ANKS1B: variants seen among roughly 807,000 people sequenced by gnomAD.
ANKS1B encodes ankyrin repeat and sterile alpha motif domain-containing protein 1B.
In ANKS1B, 36 loss-of-function variants were observed where a neutral mutation model predicts 148.3. That is an observed-to-expected ratio of 0.24 (90% CI 0.19 to 0.32). The LOEUF (loss-of-function observed/expected upper bound fraction) is 0.32, where lower values mean the gene tolerates loss of function less well. Ranked by LOEUF, ANKS1B falls within the 10% of genes least tolerant of loss-of-function variation. The pLI, the probability that ANKS1B is intolerant of heterozygous loss-of-function variation, is 1.00. For missense variants in ANKS1B, 1,157 were observed against 1,542.6 expected, an observed-to-expected ratio of 0.75 and a Z score of 4.19; for synonymous variants, 542 against 560.8, an observed-to-expected ratio of 0.97 and a Z score of 0.47.
intron 8 of ANKS1B, among the ~76,000 whole-genome samples, chr12:99,742,222 C>A (rs2060186973): frequency 6.7e-6 from 1 of 148,860 alleles, no homozygotes. Flanking sequence ...AGCTATGTAA[C>A]AAACCTGCAC....
At chr12:99,380,869 G>C (rs2093617350) in intron 12 of ANKS1B, among the ~76,000 whole-genome samples, 1 of 151,502 alleles carries the variant, frequency 6.6e-6, no homozygotes, top group African/African-American at 2.4e-5. Context: ...ATAGGTGCTA[G>C]AGATTCCAGT....
intron 17 of ANKS1B, among the ~76,000 whole-genome samples, chr12:98,842,822 T>G (rs994603960): frequency 1.3e-5 from 2 of 152,230 alleles, no homozygotes; most frequent in Non-Finnish European, 2.9e-5. Flanking sequence ...TAGTACTATT[T>G]AACTATAGGC....
At chr12:98,742,521 G>A (rs1246625255), downstream of ANKS1B, among the ~76,000 whole-genome samples, 3 of 152,350 alleles carry the variant, frequency 2.0e-5, no homozygotes, top group Admixed American at 1.3e-4. Flanking sequence ...GTGATGCCAC[G>A]CTAAGCACAG....
intron 19 of ANKS1B, among the ~76,000 whole-genome samples, chr12:98,808,240 C>G (rs1011745124): frequency 2.0e-5 from 3 of 152,176 alleles, no homozygotes; most frequent in Non-Finnish European, 4.4e-5. Context: ...CTTCACGTCA[C>G]TACTTTCAGA....
intron 1 of ANKS1B, among the ~76,000 whole-genome samples, chr12:99,887,389 T>G (rs1178205448): frequency 6.6e-6 from 1 of 152,226 alleles, no homozygotes; most frequent in Non-Finnish European, 1.5e-5. Flanking sequence ...TGGGTTGGAT[T>G]AAATAAAATC....
chr12:99,003,900 A>G (rs772063740), intron 17 of ANKS1B, among the ~76,000 whole-genome samples: 6 of 152,068 alleles, frequency 3.9e-5, no homozygotes, highest in Non-Finnish European at 8.8e-5. Flanking sequence ...CCTACATTTT[A>G]CTTTCCCACT....
At position 98,903,883 on chromosome 12, in the gene ANKS1B, C is replaced by T. The variant is rs1020365616; in HGVS notation, c.2779-71747G>A. Among the ~76,000 whole-genome samples the T allele has an allele frequency of 4.6e-5, 7 of 152,226 alleles. No individual in the cohort carries two copies. The East Asian group carries it at 1.2e-3, about 25-fold the overall frequency. Reference sequence around the variant, plus strand: ...GGGAGCTCATTACCAACTGAAGAAGCCCATCCATCTTTGAGACTTATATTA... The same window carrying T: ...GGGAGCTCATTACCAACTGAAGAAGTCCATCCATCTTTGAGACTTATATTA... On this transcript the variant is annotated intron_variant, in intron 17 of 26. Transcript: ENST00000683438.
At chr12:98,799,063 T>C in intron 21 of ANKS1B, 58 bp from the exon 22 acceptor site, 1 of 1,262,364 alleles carries the variant, frequency 7.9e-7, no homozygotes, top group Non-Finnish European at 1.1e-6. Context: ...TGAGTAATGT[T>C]TTAAAAACAA....
intron 14 of ANKS1B, among the ~76,000 whole-genome samples, chr12:99,163,638 T>G (rs927989763): frequency 6.6e-6 from 1 of 152,122 alleles, no homozygotes; most frequent in Non-Finnish European, 1.5e-5. Context: ...CCTTTCCCAT[T>G]TTTTGACCCC....
intron 17 of ANKS1B, among the ~76,000 whole-genome samples, chr12:98,940,222 C>G (rs2099834435): frequency 6.6e-6 from 1 of 152,190 alleles, no homozygotes; most frequent in Non-Finnish European, 1.5e-5. Context: ...TCCTCCATGT[C>G]TTTGCTCTCT....
chr12:99,762,379 A>T (rs1311631156), intron 8 of ANKS1B, among the ~76,000 whole-genome samples: 1 of 152,190 alleles, frequency 6.6e-6, no homozygotes, highest in East Asian at 1.9e-4. Context: ...AGAACTCAGA[A>T]ATAAAGCCAC....
intron 8 of ANKS1B, among the ~76,000 whole-genome samples, chr12:99,660,686 G>A (rs571685442): frequency 6.6e-6 from 1 of 152,198 alleles, no homozygotes; most frequent in East Asian, 1.9e-4. Flanking sequence ...TATTGCCAAT[G>A]TTGTCTTTAA....
chr12:99,055,363 A>G (rs1487350733), intron 16 of ANKS1B, among the ~76,000 whole-genome samples: 1 of 152,210 alleles, frequency 6.6e-6, no homozygotes, highest in Non-Finnish European at 1.5e-5. Context: ...GCCCATCCAT[A>G]AAGCTGACCA....
chr12:99,901,164 A>G (rs1331983441), intron 1 of ANKS1B, among the ~76,000 whole-genome samples: 1 of 152,242 alleles, frequency 6.6e-6, no homozygotes, highest in African/African-American at 2.4e-5. Context: ...CCTAGTTTAT[A>G]GCATAGCTAA....
chr12:99,377,320 G>A (rs1350301367), intron 12 of ANKS1B, among the ~76,000 whole-genome samples: 1 of 152,026 alleles, frequency 6.6e-6, no homozygotes, highest in Non-Finnish European at 1.5e-5. Context: ...GAAAAGTTAA[G>A]GGAATTGGTC....
intron 25 of ANKS1B, among the ~76,000 whole-genome samples, chr12:98,758,286 C>T (rs2098311452): frequency 6.6e-6 from 1 of 152,158 alleles, no homozygotes; most frequent in South Asian, 2.1e-4. Flanking sequence ...AGTCAGCACC[C>T]AGACAAACTG....
chr12:99,151,528 A>T (rs1293664101), intron 15 of ANKS1B, among the ~76,000 whole-genome samples: 1 of 35,896 alleles, frequency 2.8e-5, no homozygotes, highest in African/African-American at 5.6e-4. Context: ...ACTCCCACTC[A>T]AAAAAAAAAA....
rs770809553 is a variant in ANKS1B at position 98,829,273 on chromosome 12, G to A, written c.2967C>T (p.Asp989=). Residue 989 remains aspartate, a synonymous_variant, in exon 19 of 27, where the codon GAC becomes GAT. Coordinates refer to ENST00000683438, the MANE Select transcript of ANKS1B (RefSeq NM_001352186.2). This position sits in a 1 kb window ranked among gnomAD's most constrained non-coding sequence, Gnocchi z 5.2. Reference sequence around the variant, plus strand: ...CGCCCTGCATGATAATGTGAGGAACGTCTAGGGAGCCACCAGTGGTGTAAG... The same window carrying A: ...CGCCCTGCATGATAATGTGAGGAACATCTAGGGAGCCACCAGTGGTGTAAG... The part of the protein sequence containing the change: ...QSTYTTGGSL[D]VPHIIMQGDA... 45 of 1,613,878 alleles carry A rather than the reference G, an allele frequency of 2.8e-5. No individual in the cohort carries two copies. Among genetic ancestry groups the A allele is most frequent in the Non-Finnish European group, 2.5e-6 (3 of 1,179,880 alleles).
chr12:99,737,591 A>G (rs1019258724), intron 8 of ANKS1B, among the ~76,000 whole-genome samples: 1 of 152,070 alleles, frequency 6.6e-6, no homozygotes, highest in African/African-American at 2.4e-5. Flanking sequence ...CTAGAGGATA[A>G]GGACAAAATG....
Sources: allele counts gnomAD v4.1 joint callset (sites outside exome capture counted in the v4.1 genomes callset), GRCh38; gene constraint gnomAD v4.1.1; non-coding constraint Gnocchi (gnomAD v3.1); transcripts MANE v1.5; gene names NCBI Gene and HGNC (gene_info 2026-07-23, HGNC 2026-07-21).